TFEC: variants seen among roughly 807,000 people sequenced by gnomAD.
TFEC encodes transcription factor EC, also known as class E basic helix-loop-helix protein 34.
TFEC carries 31 observed loss-of-function variants against 41.6 expected under a neutral mutation model. That is an observed-to-expected ratio of 0.74 (90% CI 0.56 to 1.01). The LOEUF (loss-of-function observed/expected upper bound fraction) is 1.01, where lower values mean the gene tolerates loss of function less well. Ranked by LOEUF, TFEC falls within the 50% of genes least tolerant of loss-of-function variation. The pLI, the probability that TFEC is intolerant of heterozygous loss-of-function variation, is 0.00. For synonymous variants in TFEC, 143 were observed against 140.6 expected (o/e 1.02, Z -0.12); for missense variants, 402 against 404.1 (o/e 0.99, Z 0.04).
At chr7:116,002,164 C>G (rs971794612) in intron 1 of TFEC, among the ~76,000 whole-genome samples, 1 of 152,144 alleles carries the variant, frequency 6.6e-6, no homozygotes, top group Non-Finnish European at 1.5e-5. Context: ...ATCCAGCAAC[C>G]CCCTGCAAGG....
intron 1 of TFEC, among the ~76,000 whole-genome samples, chr7:116,114,908 C>A (rs545498917): frequency 6.6e-6 from 1 of 151,870 alleles, no homozygotes; most frequent in African/African-American, 2.4e-5. Flanking sequence ...CGCCACCCCC[C>A]AGTAATGGGG....
chr7:116,108,831 CA>C (rs1394424723), intron 3 of TFEC, among the ~76,000 whole-genome samples: 3 of 152,122 alleles, frequency 2.0e-5, no homozygotes, highest in Non-Finnish European at 2.9e-5. Context: ...CAGTTTTTGG[CA>C]TAACTATTAT....
At chr7:116,100,602 C>G (rs76328003) in intron 3 of TFEC, among the ~76,000 whole-genome samples, 3,470 of 152,050 alleles carry the variant, frequency 0.023, 132 homozygotes, top group African/African-American at 0.079. Context: ...ACTTGGTTCT[C>G]TAAAGCATCT....
At position 116,138,105 on chromosome 7, in the gene TFEC, A is replaced by G. The variant is rs573327595; in HGVS notation, c.-69+21685T>C. On this transcript the variant is annotated intron_variant, in intron 1 of 8. Coordinates refer to the TFEC transcript ENST00000484212. ...TCTGCTACGTAAATCTGCCTCTCCAATGTTGATAATGAGATATTTTCCATC... is the reference window on the plus strand; with the variant it reads ...TCTGCTACGTAAATCTGCCTCTCCAGTGTTGATAATGAGATATTTTCCATC... Among the ~76,000 whole-genome samples the G allele has an allele frequency of 5.3e-5, 8 of 152,252 alleles. No homozygotes were observed. In the East Asian group the frequency reaches 7.7e-4, roughly 15 times the overall value.
Position 115,941,918 on chromosome 7 carries a change from T to TTAGC in TFEC, c.634_637dup (p.Asn213SerfsTer2). On this transcript the variant is annotated stop_gained and frameshift_variant, in exon 7 of 8. Transcript: ENST00000265440. LOFTEE classifies it high-confidence loss of function. ...CTGAATCCGAAGTAGAAGTCGCCTG[T>TTAGC]TAGCCTGCTCTAATTTCTTCTGTCT... 1 of 1,613,264 alleles carries TTAGC rather than the reference T, an allele frequency of 6.2e-7. No homozygotes were observed. The highest frequency in any genetic ancestry group is 8.5e-7 in the Non-Finnish European group (1 of 1,179,456).
At chr7:116,030,783 C>A, upstream of TFEC, 1 of 985,306 alleles carries the variant, frequency 1.0e-6, no homozygotes, top group Non-Finnish European at 1.2e-6. Flanking sequence ...TGGTTGGAAT[C>A]CAGTTAGTTG....
At chr7:115,948,692 C>T (rs372541587) in intron 6 of TFEC, among the ~76,000 whole-genome samples, 236 of 150,510 alleles carry the variant, frequency 1.6e-3, no homozygotes, top group African/African-American at 5.5e-3. Context: ...ATTGATGGGA[C>T]GTATCTCAAA....
chr7:115,946,622 TTCTCTC>T (rs67677341), intron 6 of TFEC, among the ~76,000 whole-genome samples: 2 of 145,126 alleles, frequency 1.4e-5, no homozygotes, highest in South Asian at 2.4e-4. Flanking sequence ...CTTTCTTTCT[TTCTCTC>T]TCTCTCTCTT....
intron 3 of TFEC, among the ~76,000 whole-genome samples, chr7:116,062,331 A>C (rs1367595333): frequency 1.5e-5 from 2 of 131,744 alleles, no homozygotes; most frequent in East Asian, 2.4e-4. Context: ...GATCCACCCC[A>C]CTTGGCCTCC....
intron 1 of TFEC, among the ~76,000 whole-genome samples, chr7:116,113,915 T>A (rs535252742): frequency 2.0e-5 from 3 of 152,144 alleles, no homozygotes; most frequent in Non-Finnish European, 4.4e-5. Flanking sequence ...GTAATAATGT[T>A]AATGATGGAC....
At chr7:116,080,494 C>T (rs1467753155) in intron 3 of TFEC, among the ~76,000 whole-genome samples, 1 of 151,598 alleles carries the variant, frequency 6.6e-6, no homozygotes, top group Non-Finnish European at 1.5e-5. Flanking sequence ...CAAAAAACAA[C>T]AACAACAAAA....
intron 1 of TFEC, among the ~76,000 whole-genome samples, chr7:116,024,962 C>T (rs554641829): frequency 6.6e-6 from 1 of 152,136 alleles, no homozygotes; most frequent in African/African-American, 2.4e-5. Flanking sequence ...ACAAACACCC[C>T]TTAAGCAACT....
chr7:116,002,212 G>C (rs1174835952), intron 1 of TFEC, among the ~76,000 whole-genome samples: 2 of 152,158 alleles, frequency 1.3e-5, no homozygotes, highest in African/African-American at 4.8e-5. Context: ...ATATCAAAGA[G>C]ATATCTGCAC....
chr7:116,152,295 T>C (rs978899476), intron 1 of TFEC, among the ~76,000 whole-genome samples: 37 of 152,128 alleles, frequency 2.4e-4, no homozygotes, highest in Admixed American at 2.0e-4. Flanking sequence ...GAAAATAAAC[T>C]AGGGAATAAA....
chr7:116,053,889 T>C (rs901075838), intron 3 of TFEC, among the ~76,000 whole-genome samples: 1 of 152,244 alleles, frequency 6.6e-6, no homozygotes, highest in African/African-American at 2.4e-5. Context: ...CTAATACAAA[T>C]GCATACTGTG....
At chr7:116,089,625 A>AT (rs56662570) in intron 3 of TFEC, among the ~76,000 whole-genome samples, 7 of 152,010 alleles carry the variant, frequency 4.6e-5, no homozygotes, top group African/African-American at 1.7e-4. Context: ...ATGTATATAT[A>AT]AAACCTCTCA....
At chr7:116,146,690 T>C (rs1205143724) in intron 1 of TFEC, among the ~76,000 whole-genome samples, 1 of 152,126 alleles carries the variant, frequency 6.6e-6, no homozygotes, top group Non-Finnish European at 1.5e-5. Context: ...TGAGATTGGC[T>C]CACAGTGAAA....
chr7:116,065,265 C>T lies in TFEC; in HGVS notation c.198+45443G>A, dbSNP rs568228192. On this transcript the variant is annotated intron_variant, in intron 3 of 8. Coordinates refer to the TFEC transcript ENST00000484212. ...CAAGATTTCCAATAATTATATGAAC[C>T]TCTGATTCTTAAATATGAGCAAAAA... 3.3e-5 allele frequency among the ~76,000 whole-genome samples: 5 copies of T among 152,188 alleles called. No individual in the cohort carries two copies. In the East Asian group the frequency reaches 7.7e-4, roughly 24 times the overall value.
At chr7:115,997,622 C>A (rs964042158) in intron 1 of TFEC, among the ~76,000 whole-genome samples, 1 of 152,006 alleles carries the variant, frequency 6.6e-6, no homozygotes, top group African/African-American at 2.4e-5. Flanking sequence ...TCACCAGGAA[C>A]AAATCTCAGA....
Sources: allele counts gnomAD v4.1 joint callset (sites outside exome capture counted in the v4.1 genomes callset), GRCh38; gene constraint gnomAD v4.1.1; transcripts MANE v1.5; gene names NCBI Gene and HGNC (gene_info 2026-07-23, HGNC 2026-07-21).